OCA2: variants seen among roughly 807,000 people sequenced by gnomAD.
OCA2 encodes the protein P protein.
OCA2 carries 77 observed loss-of-function variants against 100.2 expected under a neutral mutation model. The observed-to-expected ratio is 0.77, with a 90% confidence interval of 0.64 to 0.93. The LOEUF is 0.93. Ranked by LOEUF, OCA2 falls within the 40% of genes least tolerant of loss-of-function variation. The pLI is 0.00. For missense variants in OCA2, 1,062 were observed against 1,089.1 expected (o/e 0.98, Z 0.35); for synonymous variants, 432 against 439.2 (o/e 0.98, Z 0.21).
chr15:27,797,617 T>C (rs914696259), intron 23 of OCA2, among the ~76,000 whole-genome samples: 5 of 152,116 alleles, frequency 3.3e-5, no homozygotes, highest in African/African-American at 1.2e-4. Flanking sequence ...AGCTTAAGTG[T>C]CTAGGACAAA....
chr15:27,735,034 T>G, the OCA2 span, among the ~76,000 whole-genome samples: 1 of 151,696 alleles, frequency 6.6e-6, no homozygotes, highest in Admixed American at 6.6e-5. Flanking sequence ...ATATATGAAC[T>G]ACCTAACAAA....
intron 2 of OCA2, among the ~76,000 whole-genome samples, chr15:28,057,194 C>G (rs2043728193): frequency 6.6e-6 from 1 of 152,222 alleles, no homozygotes; most frequent in African/African-American, 2.4e-5. Flanking sequence ...TTAGACTTTA[C>G]ATTTTATGAA....
At chr15:27,739,215 C>T in the OCA2 span, among the ~76,000 whole-genome samples, 2 of 152,108 alleles carry the variant, frequency 1.3e-5, no homozygotes, top group African/African-American at 4.8e-5. Flanking sequence ...AGACCCTTGC[C>T]AGGCTGCAGC....
At chr15:27,756,858 G>C (rs2030415339) in intron 23 of OCA2, among the ~76,000 whole-genome samples, 1 of 152,226 alleles carries the variant, frequency 6.6e-6, no homozygotes, top group African/African-American at 2.4e-5. Flanking sequence ...CAAGACTGGA[G>C]AAAGTTCCTG....
At chr15:27,842,088 A>G (rs72710538) in intron 23 of OCA2, among the ~76,000 whole-genome samples, 2,093 of 152,392 alleles carry the variant, frequency 0.014, 18 homozygotes, top group South Asian at 0.055. Context: ...AGAAACAGCA[A>G]GCAACCTCAA....
intron 21 of OCA2, among the ~76,000 whole-genome samples, chr15:27,852,265 G>C (rs952908585): frequency 1.3e-5 from 2 of 152,152 alleles, no homozygotes; most frequent in Non-Finnish European, 2.9e-5. Context: ...TCCAGTTTCA[G>C]CTTTCTACAT....
At chr15:27,981,640 G>C (rs1165741778) in intron 14 of OCA2, among the ~76,000 whole-genome samples, 2 of 152,212 alleles carry the variant, frequency 1.3e-5, no homozygotes, top group Non-Finnish European at 2.9e-5. Context: ...CTGCCTGGCA[G>C]AACAGATATC....
Position 27,983,468 on chromosome 15 carries a change from G to A in OCA2, c.1380C>T (p.Leu460=), listed in dbSNP as rs2041237086. ...TCAGGACTTGTCTTGGATCAAGGTTGAGCACCTCACACAACCTGTCACAAA... is the reference window on the plus strand; with the variant it reads ...TCAGGACTTGTCTTGGATCAAGGTTAAGCACCTCACACAACCTGTCACAAA... ...TPVTIRLCEV[L]NLDPRQVLIA... The change falls in exon 14 of 24, where the codon CTC becomes CTT. Residue 460 remains leucine (L), a synonymous_variant. Transcript: ENST00000354638. 1 of 1,614,178 alleles carries A rather than the reference G, an allele frequency of 6.2e-7. No homozygotes were observed. The highest frequency in any genetic ancestry group is 8.5e-7 in the Non-Finnish European group (1 of 1,180,034).
chr15:27,857,657 G>GA (rs995350911), intron 21 of OCA2, among the ~76,000 whole-genome samples: 1 of 151,476 alleles, frequency 6.6e-6, no homozygotes. Flanking sequence ...GAAAGTAAAA[G>GA]AAAAAAAATA....
intron 1 of OCA2, among the ~76,000 whole-genome samples, chr15:28,097,285 C>T (rs1020407907): frequency 6.6e-6 from 1 of 152,200 alleles, no homozygotes; most frequent in Non-Finnish European, 1.5e-5. Flanking sequence ...AGCCACAGCC[C>T]GCGACAAGCC....
intron 21 of OCA2, among the ~76,000 whole-genome samples, chr15:27,864,901 G>T (rs1011815364): frequency 2.0e-5 from 3 of 151,854 alleles, no homozygotes; most frequent in African/African-American, 7.3e-5. Context: ...GGAGCCCTAA[G>T]AACGCCACCC....
At chr15:27,836,068 C>T (rs2035139468) in intron 23 of OCA2, among the ~76,000 whole-genome samples, 1 of 152,198 alleles carries the variant, frequency 6.6e-6, no homozygotes, top group African/African-American at 2.4e-5. Context: ...CCTTCAGGAG[C>T]CTCAGACAGC....
chr15:27,921,143 A>T (rs1226641169), intron 19 of OCA2, among the ~76,000 whole-genome samples: 1 of 152,172 alleles, frequency 6.6e-6, no homozygotes, highest in East Asian at 1.9e-4. Flanking sequence ...AAACACAAAA[A>T]GATCCACACC....
At chr15:27,760,842 T>C (rs1268491110) in intron 23 of OCA2, among the ~76,000 whole-genome samples, 4 of 152,058 alleles carry the variant, frequency 2.6e-5, no homozygotes, top group Admixed American at 2.6e-4. Context: ...TTCTGTGAAA[T>C]ATTTAAAGAA....
the OCA2 span, among the ~76,000 whole-genome samples, chr15:27,730,604 C>A: frequency 1.3e-5 from 2 of 151,770 alleles, no homozygotes; most frequent in South Asian, 4.2e-4. Context: ...TGGCAGCCAG[C>A]CTCCATCCTA....
intron 5 of OCA2, among the ~76,000 whole-genome samples, chr15:28,024,474 T>C (rs533420019): frequency 4.6e-5 from 7 of 152,338 alleles, no homozygotes; most frequent in Admixed American, 4.6e-4. Context: ...CACTCTGGGC[T>C]ATCCACGATC....
intron 19 of OCA2, chr15:27,896,109 AG>A (rs1187318215): frequency 6.1e-6 from 7 of 1,150,372 alleles, no homozygotes; most frequent in Non-Finnish European, 9.0e-6. Flanking sequence ...TGGTCAGCCA[AG>A]TGCCTTTACC....
In OCA2 at chr15:28,014,895, G is replaced by A. The variant is rs2042342323; in HGVS notation, c.925C>T (p.Gln309Ter). Residue 309 changes from glutamine (Q) to a stop codon, truncating the protein, a stop_gained, in exon 9 of 24, where the codon CAG becomes TAG. Coordinates refer to ENST00000354638, the MANE Select transcript of OCA2 (RefSeq NM_000275.3). LOFTEE classifies it high-confidence loss of function. ...TVSISIRASL[Q>*]QTQAVPLLMA... ...AAAAGAGGGACAGCCTGGGTCTGCTGCAGGGAGGCCCGGATGCTGATGGAC... is the reference window on the plus strand; with the variant it reads ...AAAAGAGGGACAGCCTGGGTCTGCTACAGGGAGGCCCGGATGCTGATGGAC... 3 of 1,614,192 alleles carry A rather than the reference G, an allele frequency of 1.9e-6. No individual in the cohort carries two copies. Among genetic ancestry groups the A allele is most frequent in the Non-Finnish European group, 2.5e-6 (3 of 1,180,026 alleles).
chr15:27,753,689 A>G (rs1240007659), downstream of OCA2, among the ~76,000 whole-genome samples: 1 of 152,008 alleles, frequency 6.6e-6, no homozygotes, highest in Non-Finnish European at 1.5e-5. Context: ...GTGAGCTGAG[A>G]TCGCACCACT....
Sources: allele counts gnomAD v4.1 joint callset (sites outside exome capture counted in the v4.1 genomes callset), GRCh38; gene constraint gnomAD v4.1.1; transcripts MANE v1.5; gene names NCBI Gene and HGNC (gene_info 2026-07-23, HGNC 2026-07-21).